Variants in ANKRD28 observed in about 807,000 individuals in gnomAD.
The protein encoded by ANKRD28 is serine/threonine-protein phosphatase 6 regulatory ankyrin repeat subunit A.
Under a neutral mutation model 126.5 loss-of-function variants are expected in ANKRD28, and 44 were observed. The ratio of observed to expected loss-of-function variants is 0.35; its 90% confidence interval spans 0.27 to 0.45. The LOEUF (loss-of-function observed/expected upper bound fraction) is 0.45, where lower values mean the gene tolerates loss of function less well. Ranked by LOEUF, ANKRD28 falls within the 20% of genes least tolerant of loss-of-function variation. The probability of loss-of-function intolerance (pLI) is 1.00; values close to 1 mark genes in which losing one functional copy is unlikely to be tolerated. For synonymous variants in ANKRD28, 442 were observed against 468.5 expected (o/e 0.94, Z 0.73); for missense variants, 1,110 against 1,316.6 (o/e 0.84, Z 2.43).
chr3:15,679,750 T>C (rs2067325582), intron 21 of ANKRD28, among the ~76,000 whole-genome samples, 187 bp from the exon 22 acceptor site: 1 of 152,134 alleles, frequency 6.6e-6, no homozygotes. Flanking sequence ...TTTCTAGGCA[T>C]ATACAACTGC....
chr3:15,822,785 T>TA (rs1370837248), intron 1 of ANKRD28, among the ~76,000 whole-genome samples: 4 of 151,872 alleles, frequency 2.6e-5, no homozygotes, highest in African/African-American at 9.7e-5. Flanking sequence ...AGGAACTAAA[T>TA]AGAAATTCTG....
intron 2 of ANKRD28, among the ~76,000 whole-genome samples, chr3:15,794,325 T>TA (rs1436459489): frequency 4.5e-5 from 4 of 88,962 alleles, no homozygotes; most frequent in African/African-American, 1.2e-4. Context: ...AGCAGTATTA[T>TA]ATTAAAAAAA....
chr3:15,671,358 G>A (rs2066327450), intron 27 of ANKRD28, among the ~76,000 whole-genome samples: 1 of 152,060 alleles, frequency 6.6e-6, no homozygotes, highest in South Asian at 2.1e-4. Flanking sequence ...GTGATGCCAA[G>A]CTTCAATTAT....
At chr3:15,740,177 T>C (rs1030724946) in intron 4 of ANKRD28, among the ~76,000 whole-genome samples, 1 of 152,182 alleles carries the variant, frequency 6.6e-6, no homozygotes, top group African/African-American at 2.4e-5. Flanking sequence ...AGTTCTAGAA[T>C]ACGGAAATTA....
chr3:15,853,095 C>T lies in ANKRD28; in HGVS notation c.27+6282G>A, dbSNP rs2061687138. ...AACCTAAAATATTTGAAAATTAAAC[C>T]ACTTCAACTTTACATTGTATACAAT... On this transcript the variant is annotated intron_variant, in intron 1 of 27. Coordinates refer to the ANKRD28 transcript ENST00000399451. The surrounding 1 kb of genome is among the most constrained non-coding windows in gnomAD (Gnocchi z 4.2). Among the ~76,000 whole-genome samples the T allele has an allele frequency of 6.6e-6, 1 of 151,950 alleles. No homozygotes were observed. Among genetic ancestry groups the T allele is most frequent in the Admixed American group, 6.6e-5 (1 of 15,254 alleles).
At chr3:15,681,291 A>C (rs2067520549) in intron 21 of ANKRD28, among the ~76,000 whole-genome samples, 1 of 152,200 alleles carries the variant, frequency 6.6e-6, no homozygotes, top group Non-Finnish European at 1.5e-5. Context: ...CAGCCTAACT[A>C]TATTTCTGAT....
chr3:15,799,202 C>G (rs1190727665), upstream of ANKRD28, among the ~76,000 whole-genome samples: 5 of 151,660 alleles, frequency 3.3e-5, no homozygotes, highest in African/African-American at 1.2e-4. Context: ...AAACAGGTAA[C>G]CTATAAAGGT....
intron 17 of ANKRD28, among the ~76,000 whole-genome samples, chr3:15,693,393 C>A (rs1392805436): frequency 7.1e-6 from 1 of 140,604 alleles, no homozygotes; most frequent in Admixed American, 7.5e-5. Flanking sequence ...AACTTGCAAG[C>A]ACAAAAAGAG....
At chr3:15,694,687 A>G (rs1331896192) in intron 17 of ANKRD28, 52 bp downstream of exon 17, 15 of 1,493,958 alleles carry the variant, frequency 1.0e-5, no homozygotes, top group Middle Eastern at 3.4e-4. Context: ...AGGTTATTAG[A>G]TATTTTCAGT....
chr3:15,806,734 C>G (rs1441382263), intron 1 of ANKRD28, among the ~76,000 whole-genome samples: 3 of 152,164 alleles, frequency 2.0e-5, no homozygotes, highest in Non-Finnish European at 4.4e-5. Flanking sequence ...TTTGGCCAGG[C>G]TGCTCTTGAA....
chr3:15,712,375 G>C (rs984921945), intron 10 of ANKRD28, among the ~76,000 whole-genome samples, 153 bp from the exon 11 acceptor site: 2 of 152,132 alleles, frequency 1.3e-5, no homozygotes, highest in African/African-American at 4.8e-5. Flanking sequence ...TTTGATGGTG[G>C]GCATAACTTA....
intron 25 of ANKRD28, among the ~76,000 whole-genome samples, 159 bp downstream of exon 25, chr3:15,677,321 C>T (rs564884908): frequency 2.4e-4 from 36 of 152,218 alleles, no homozygotes; most frequent in Middle Eastern, 3.4e-3. Context: ...GACTTTGATA[C>T]GCCATGGTGC....
chr3:15,854,854 T>A lies in ANKRD28; in HGVS notation c.27+4523A>T, dbSNP rs937837667. On this transcript the variant is annotated intron_variant, in intron 1 of 27. Coordinates refer to the ANKRD28 transcript ENST00000399451. This position sits in a 1 kb window ranked among gnomAD's most constrained non-coding sequence, Gnocchi z 4.1. ...TCACAAGGTCACGAGATTGAGACTA[T>A]CCTGGCCAACATGGTGAAACCCCGT... Among the ~76,000 whole-genome samples, 1 of 152,004 alleles carries A rather than the reference T, an allele frequency of 6.6e-6. No individual in the cohort carries two copies. The highest frequency in any genetic ancestry group is 2.4e-5 in the African/African-American group (1 of 41,366).
At chr3:15,685,022 C>A in intron 21 of ANKRD28, 1 of 584,254 alleles carries the variant, frequency 1.7e-6, no homozygotes, top group Non-Finnish European at 3.0e-6. Flanking sequence ...TCTCAGAACA[C>A]CTTTGACAAC....
chr3:15,786,488 C>T (rs1488318874), intron 2 of ANKRD28, among the ~76,000 whole-genome samples: 1 of 151,946 alleles, frequency 6.6e-6, no homozygotes, highest in Non-Finnish European at 1.5e-5. Flanking sequence ...AAGGGATTTC[C>T]AAGGGGCAAA....
chr3:15,696,233 G>A lies in ANKRD28; in HGVS notation c.1560C>T (p.Tyr520=). 1.3e-6 allele frequency: 2 copies of A among 1,576,624 alleles called. No homozygotes were observed. The highest frequency in any genetic ancestry group is 1.7e-6 in the Non-Finnish European group (2 of 1,156,602). Residue 520 remains tyrosine (Y), a synonymous_variant, in exon 15 of 28, where the codon TAC becomes TAT. Transcript: ENST00000683139. ...CTGGATTTGCATCGTTTCTTAATAA[G>A]TATTCCAGGCACCTATATACAACAA... is the stretch of plus-strand genomic sequence containing the variant. ...TSDTDGKCLE[Y]LLRNDANPGI...
At chr3:15,731,678 C>T (rs992210046) in intron 6 of ANKRD28, among the ~76,000 whole-genome samples, 1 of 151,762 alleles carries the variant, frequency 6.6e-6, no homozygotes, top group Non-Finnish European at 1.5e-5. Context: ...GGTGAAACCT[C>T]ATCTCTACTA....
At chr3:15,694,214 GA>G (rs34118789) in intron 17 of ANKRD28, among the ~76,000 whole-genome samples, 2 of 151,694 alleles carry the variant, frequency 1.3e-5, no homozygotes, top group African/African-American at 4.8e-5. Flanking sequence ...GATTGACACT[GA>G]AAAAAAATTT....
chr3:15,697,965 G>C (rs1559358031), intron 14 of ANKRD28, among the ~76,000 whole-genome samples: 1 of 152,048 alleles, frequency 6.6e-6, no homozygotes, highest in Non-Finnish European at 1.5e-5. Context: ...TCTTGGGAGG[G>C]TGTATATGTC....
Sources: gnomAD v4.1 joint callset for allele counts (sites outside exome capture counted in the v4.1 genomes callset) on GRCh38, gnomAD v4.1.1 for gene constraint, Gnocchi (gnomAD v3.1) non-coding constraint, MANE v1.5 for transcripts, NCBI Gene and HGNC (gene_info 2026-07-23, HGNC 2026-07-21) for gene names.